Variants in TRAPPC12 observed in about 807,000 individuals in gnomAD.
TRAPPC12 encodes trafficking protein particle complex subunit 12.
A neutral mutation model predicts 69.2 loss-of-function variants in TRAPPC12; 61 were observed. That is an observed-to-expected ratio of 0.88 (90% CI 0.72 to 1.09). The LOEUF is 1.09. Among genes scored for constraint, TRAPPC12 ranks in the 50% least tolerant of loss-of-function variants. TRAPPC12 has a pLI of 0.00. For missense variants in TRAPPC12, 1,101 were observed against 1,016.4 expected, an observed-to-expected ratio of 1.08 and a Z score of -1.13; for synonymous variants, 469 against 438.9, an observed-to-expected ratio of 1.07 and a Z score of -0.86.
At chr2:3,442,213 C>A (rs540029381) in intron 5 of TRAPPC12, among the ~76,000 whole-genome samples, 43 of 152,188 alleles carry the variant, frequency 2.8e-4, no homozygotes, top group African/African-American at 1.0e-3. Context: ...AACAGCTAGT[C>A]CCAAGTTGGG....
Position 3,388,283 on chromosome 2 carries a change from C to T in TRAPPC12, c.660C>T (p.Ala220=). 2 of 1,607,924 alleles carry T rather than the reference C, an allele frequency of 1.2e-6. No individual in the cohort carries two copies. The highest frequency in any genetic ancestry group is 1.7e-6 in the Non-Finnish European group (2 of 1,177,120). Residue 220 remains alanine (A), a synonymous_variant, in exon 2 of 12, where the codon GCC becomes GCT. Transcript: ENST00000324266. ...ACACGGCCGCCAGCCACTCCTTGGC[C>T]TCGGACTTCTTCGACTCCTTTACTA... ...FGDTAASHSL[A]SDFFDSFTTS...
intron 5 of TRAPPC12, among the ~76,000 whole-genome samples, chr2:3,435,032 A>C (rs1663672538): frequency 6.6e-6 from 1 of 152,160 alleles, no homozygotes; most frequent in Non-Finnish European, 1.5e-5. Context: ...CTTCTTTTTG[A>C]GATGGAGTCT....
intron 6 of TRAPPC12, 116 bp from the exon 7 acceptor site, chr2:3,457,505 C>G: frequency 2.7e-6 from 2 of 744,490 alleles, no homozygotes; most frequent in Non-Finnish European, 4.7e-6. Flanking sequence ...TGTGAACATC[C>G]CTTGACAAAT....
chr2:3,472,995 G>A (rs1048051447), intron 9 of TRAPPC12, among the ~76,000 whole-genome samples: 1 of 152,184 alleles, frequency 6.6e-6, no homozygotes, highest in African/African-American at 2.4e-5. Flanking sequence ...CTAAGACACC[G>A]AGGGCGGGGA....
intron 6 of TRAPPC12, chr2:3,457,072 G>T: frequency 2.2e-6 from 1 of 462,962 alleles, no homozygotes; most frequent in Non-Finnish European, 4.4e-6. Context: ...GGGCGAACGG[G>T]ATAAGGAAAA....
Position 3,443,781 on chromosome 2 carries a change from T to C in TRAPPC12, c.1420T>C (p.Ser474Pro), listed in dbSNP as rs963119034. ...ACTCAGCACTGATTGGATTCCAGGC[T>C]CCATGGTCCCCTTCTCGATGCGCAT... ...YPHVYPGRRG[S>P]MVPFSMRILH... Residue 474 changes from serine to proline, a missense_variant and splice_region_variant, in exon 6 of 12, where the codon TCC (serine) becomes CCC (proline). Physicochemically the swap from Ser to Pro is moderately conservative, Grantham distance 74. Coordinates refer to ENST00000324266, the MANE Select transcript of TRAPPC12 (RefSeq NM_016030.6). The C allele has an allele frequency of 1.2e-6, 2 of 1,613,924 alleles. No homozygotes were observed. Among genetic ancestry groups the C allele is most frequent in the Non-Finnish European group, 1.7e-6 (2 of 1,179,940 alleles).
At chr2:3,418,986 G>A (rs113680786) in intron 3 of TRAPPC12, among the ~76,000 whole-genome samples, 1,951 of 152,054 alleles carry the variant, frequency 0.013, 55 homozygotes, top group African/African-American at 0.044. Context: ...GCCTCCCTCC[G>A]GCCCGCTGGT....
At chr2:3,395,873 G>A (rs1210981811) in intron 2 of TRAPPC12, among the ~76,000 whole-genome samples, 4 of 152,112 alleles carry the variant, frequency 2.6e-5, no homozygotes, top group African/African-American at 7.2e-5. Context: ...GGGATTATAG[G>A]CATGTGCCAC....
At position 3,387,687 on chromosome 2, in the gene TRAPPC12, G is replaced by A. The variant is rs200941005; in HGVS notation, c.64G>A (p.Ala22Thr). Reference sequence around the variant, plus strand: ...GGAGGCCCCGCACCCCCCTCAGCTCGCGCCTCCGGAGGAGCAGGGGTTGCT... The same window carrying A: ...GGAGGCCCCGCACCCCCCTCAGCTCACGCCTCCGGAGGAGCAGGGGTTGCT... ...APEAPHPPQL[A>T]PPEEQGLLFQ... is the part of the protein sequence containing the mutation. Residue 22 changes from alanine to threonine, a missense_variant, in exon 2 of 12, where the codon GCG becomes ACG. Physicochemically the swap from Ala to Thr is moderately conservative, Grantham distance 58. Transcript: ENST00000324266. The A allele has an allele frequency of 2.5e-3, 3,897 of 1,565,924 alleles. 17 individuals carry two copies. Among genetic ancestry groups the A allele is most frequent in the Middle Eastern group, 5.0e-3 (30 of 6,008 alleles).
intron 1 of TRAPPC12, among the ~76,000 whole-genome samples, chr2:3,384,561 T>G (rs955203909): frequency 2.0e-5 from 3 of 152,252 alleles, no homozygotes; most frequent in African/African-American, 7.2e-5. Flanking sequence ...TGTGCATCTA[T>G]TGAGATAGTC....
intron 5 of TRAPPC12, among the ~76,000 whole-genome samples, chr2:3,431,365 G>A (rs569399900): frequency 6.6e-6 from 1 of 152,358 alleles, no homozygotes; most frequent in African/African-American, 2.4e-5. Flanking sequence ...CCGGTCCCAG[G>A]AAACATCATC....
chr2:3,409,697 C>T lies in TRAPPC12; in HGVS notation c.1164+7804C>T, dbSNP rs1488929292. ...CCCAGGCCGTGGAGGCTGCAGTGAG[C>T]CCTGATCGCACCACTGCACTCCAGA... On this transcript the variant is annotated intron_variant, in intron 3 of 11. Transcript: ENST00000324266. Among the ~76,000 whole-genome samples, 7 of 144,310 alleles carry T rather than the reference C, an allele frequency of 4.9e-5. No individual in the cohort carries two copies. The East Asian group carries it at 1.4e-3, about 29-fold the overall frequency. 94.7% of individuals were successfully genotyped at this position (144,310 alleles called of 152,430 possible). A position where few individuals can be genotyped will look rare whatever the true frequency, so the allele number is the denominator to read the frequency against.
rs1363491524 is a variant in TRAPPC12 at position 3,388,419 on chromosome 2, C to A, written c.796C>A (p.Arg266=). Residue 266 remains arginine, a synonymous_variant, in exon 2 of 12, where the codon CGA becomes AGA. Coordinates refer to ENST00000324266, the MANE Select transcript of TRAPPC12 (RefSeq NM_016030.6). ...TEGRPEPVAM[R]GPQAAAPPAS... The stretch of plus-strand genomic sequence containing the variant: ...GGGGCGCCCCGAACCCGTGGCCATG[C>A]GAGGGCCCCAGGCAGCTGCGCCCCC... 5 of 1,604,432 alleles carry A rather than the reference C, an allele frequency of 3.1e-6. No individual in the cohort carries two copies. Among genetic ancestry groups the A allele is most frequent in the Non-Finnish European group, 4.3e-6 (5 of 1,175,808 alleles).
At chr2:3,389,453 A>G (rs1056725918) in intron 2 of TRAPPC12, among the ~76,000 whole-genome samples, 4 of 152,250 alleles carry the variant, frequency 2.6e-5, no homozygotes, top group African/African-American at 9.6e-5. Flanking sequence ...GCGTGTGGCA[A>G]GTGACTCCCA....
rs747998466 is a variant in TRAPPC12 at position 3,443,906 on chromosome 2, C to G, written c.1530+15C>G. On this transcript the variant is annotated intron_variant, in intron 6 of 11. Transcript: ENST00000324266. Reference sequence around the variant, plus strand: ...TCTGCAGCAAGGTAGGTGGCGCTGTCATTCTTCCCTGCCACGGGGAGAACA... The same window carrying G: ...TCTGCAGCAAGGTAGGTGGCGCTGTGATTCTTCCCTGCCACGGGGAGAACA... The G allele has an allele frequency of 6.3e-7, 1 of 1,596,412 alleles. No individual in the cohort carries two copies.
intron 5 of TRAPPC12, among the ~76,000 whole-genome samples, chr2:3,430,173 T>A (rs574656501): frequency 1.5e-4 from 23 of 152,374 alleles, no homozygotes; most frequent in African/African-American, 5.5e-4. Flanking sequence ...TCCATAAGGA[T>A]GAACAATTAG....
At chr2:3,417,562 G>A (rs1662490580) in intron 3 of TRAPPC12, among the ~76,000 whole-genome samples, 1 of 152,126 alleles carries the variant, frequency 6.6e-6, no homozygotes, top group African/African-American at 2.4e-5. Flanking sequence ...CCTGGCTTCT[G>A]GGACCTGGCC....
In TRAPPC12 at chr2:3,443,768, T is replaced by C. The variant is rs1433132091; in HGVS notation, c.1418-11T>C. Reference sequence around the variant, plus strand: ...GGCAAACAAACTCACTCAGCACTGATTGGATTCCAGGCTCCATGGTCCCCT... The same window carrying C: ...GGCAAACAAACTCACTCAGCACTGACTGGATTCCAGGCTCCATGGTCCCCT... On this transcript the variant is annotated splice_polypyrimidine_tract_variant and intron_variant, in intron 5 of 11. Transcript: ENST00000324266. The C allele has an allele frequency of 2.5e-6, 4 of 1,612,620 alleles. No homozygotes were observed. Among genetic ancestry groups the C allele is most frequent in the Admixed American group, 3.3e-5 (2 of 59,994 alleles).
At chr2:3,465,354 G>C (rs1665751691) in intron 8 of TRAPPC12, among the ~76,000 whole-genome samples, 1 of 152,168 alleles carries the variant, frequency 6.6e-6, no homozygotes, top group Admixed American at 6.5e-5. Flanking sequence ...ACAGCCCCCG[G>C]TGACAGGCAG....
Sources: allele counts gnomAD v4.1 joint callset (sites outside exome capture counted in the v4.1 genomes callset), GRCh38; gene constraint gnomAD v4.1.1; transcripts MANE v1.5; gene names NCBI Gene and HGNC (gene_info 2026-07-23, HGNC 2026-07-21).